Variants in ITGAE observed in about 807,000 individuals in gnomAD.
ITGAE encodes the protein integrin subunit alpha E.
In ITGAE, 99 loss-of-function variants were observed where a neutral mutation model predicts 136.5. That is an observed-to-expected ratio of 0.73 (90% CI 0.62 to 0.86). ITGAE has a LOEUF of 0.86. Ranked by LOEUF, ITGAE falls within the 40% of genes least tolerant of loss-of-function variation. ITGAE has a pLI of 0.00. For synonymous variants in ITGAE, 613 were observed against 591.8 expected (o/e 1.04, Z -0.52); for missense variants, 1,447 against 1,515.3 (o/e 0.95, Z 0.75).
rs146114458 is a variant in ITGAE, at chr17:3,749,954, T to A, written c.2024+398A>T. Among the ~76,000 whole-genome samples, 4 of 152,100 alleles carry A rather than the reference T, an allele frequency of 2.6e-5. No homozygotes were observed. The East Asian group carries it at 7.7e-4, about 29-fold the overall frequency. The stretch of plus-strand genomic sequence containing the variant: ...TTGCTTGAACCTGGGAGGCGGAGGT[T>A]GCAGTGAACCAAGATTACACCACTG... On this transcript the variant is annotated intron_variant, in intron 16 of 30. Coordinates refer to ENST00000263087, the MANE Select transcript of ITGAE (RefSeq NM_002208.5).
chr17:3,768,380 C>T (rs1459903612), intron 2 of ITGAE, among the ~76,000 whole-genome samples: 4 of 152,144 alleles, frequency 2.6e-5, no homozygotes, highest in Non-Finnish European at 2.9e-5. Flanking sequence ...CTGCCTTGGC[C>T]TCCCAAACTG....
At chr17:3,726,950 G>A (rs937947971) in intron 26 of ITGAE, among the ~76,000 whole-genome samples, 5 of 151,824 alleles carry the variant, frequency 3.3e-5, no homozygotes, top group Non-Finnish European at 5.9e-5. Context: ...GGCTGGTCTC[G>A]AACTCCTCAC....
Position 3,751,928 on chromosome 17 carries a change from C to G in ITGAE, c.1669-54G>C. 3.5e-6 allele frequency: 5 copies of G among 1,447,246 alleles called. No individual in the cohort carries two copies. In the Admixed American group the frequency reaches 5.1e-5, roughly 15 times the overall value. The allele number at this position is 1,447,246 out of a possible 1,614,324, so 89.7% of individuals were successfully genotyped here. On this transcript the variant is annotated intron_variant, in intron 14 of 30. Transcript: ENST00000263087. ...CAAGAAGGGGTGCTAGGTGCCCACT[C>G]CATTGCCACCCCGATGCACGCTCAC...
chr17:3,796,167 A>C (rs1486639866), intron 1 of ITGAE, among the ~76,000 whole-genome samples: 4 of 20,852 alleles, frequency 1.9e-4, no homozygotes, highest in South Asian at 7.6e-4. Flanking sequence ...GTGTGTGTGC[A>C]TCCGTGTGTG....
intron 10 of ITGAE, among the ~76,000 whole-genome samples, chr17:3,756,135 C>T (rs1299539202): frequency 1.3e-5 from 2 of 152,050 alleles, no homozygotes; most frequent in African/African-American, 4.8e-5. Context: ...GACTATGCCC[C>T]AGCCATCCTT....
chr17:3,765,102 C>G (rs1200386430), intron 2 of ITGAE, among the ~76,000 whole-genome samples: 1 of 152,168 alleles, frequency 6.6e-6, no homozygotes. Context: ...GTAATCCCAG[C>G]ACTTTGGGAG....
chr17:3,725,086 C>A, intron 26 of ITGAE: 1 of 1,614,208 alleles, frequency 6.2e-7, no homozygotes, highest in African/African-American at 1.3e-5. Context: ...TGGACCAAAA[C>A]CAGGGCTTCC....
At chr17:3,771,485 C>T (rs893110813) in intron 2 of ITGAE, among the ~76,000 whole-genome samples, 8 of 151,640 alleles carry the variant, frequency 5.3e-5, no homozygotes, top group Non-Finnish European at 1.0e-4. Context: ...CAGTGCTTCA[C>T]TCTGCGGATG....
chr17:3,715,325 T>G (rs188977891), intron 30 of ITGAE, among the ~76,000 whole-genome samples: 39 of 152,296 alleles, frequency 2.6e-4, no homozygotes, highest in African/African-American at 9.4e-4. Flanking sequence ...AAGCTCATCA[T>G]CTAGTAGGAA....
chr17:3,785,897 G>A (rs910235384), intron 1 of ITGAE, among the ~76,000 whole-genome samples: 32 of 152,068 alleles, frequency 2.1e-4, no homozygotes, highest in African/African-American at 7.5e-4. Context: ...GCCAGGCGAG[G>A]TGGCTGACTC....
chr17:3,764,025 C>T (rs2052235991), intron 2 of ITGAE, 65 bp from the exon 3 acceptor site: 4 of 1,163,796 alleles, frequency 3.4e-6, no homozygotes, highest in South Asian at 2.7e-5. Flanking sequence ...CCTGCCTGCC[C>T]AGCACCCTTC....
At chr17:3,787,391 C>T (rs1028481017) in intron 1 of ITGAE, among the ~76,000 whole-genome samples, 1 of 152,026 alleles carries the variant, frequency 6.6e-6, no homozygotes, top group Non-Finnish European at 1.5e-5. Flanking sequence ...GGATTACAGG[C>T]ATGAGCCACC....
rs766900785 is a variant in ITGAE, at chr17:3,753,777, A to G, written c.1527+6T>C. 1.3e-5 allele frequency: 21 copies of G among 1,614,084 alleles called. No homozygotes were observed. The Middle Eastern group carries it at 9.9e-4, about 76-fold the overall frequency. On this transcript the variant is annotated splice_donor_region_variant and intron_variant, in intron 13 of 30. Coordinates refer to ENST00000263087, the MANE Select transcript of ITGAE (RefSeq NM_002208.5). ...ATAAGGGGTGGAGGCTTTCCCCAGCAGGTACCTGCTCTCCCTCCAGCACTG... is the reference window on the plus strand; with the variant it reads ...ATAAGGGGTGGAGGCTTTCCCCAGCGGGTACCTGCTCTCCCTCCAGCACTG...
chr17:3,774,994 G>A (rs2052507883), intron 2 of ITGAE, among the ~76,000 whole-genome samples: 1 of 151,974 alleles, frequency 6.6e-6, no homozygotes, highest in African/African-American at 2.4e-5. Context: ...AGGCTGAAGT[G>A]CAGTGGCACA....
At position 3,728,046 on chromosome 17, in the gene ITGAE, T is replaced by C; in HGVS notation, c.2977-20A>G. 1 of 1,607,438 alleles carries C rather than the reference T, an allele frequency of 6.2e-7. No individual in the cohort carries two copies. Among genetic ancestry groups the C allele is most frequent in the South Asian group, 1.1e-5 (1 of 90,952 alleles). On this transcript the variant is annotated intron_variant, in intron 25 of 30. Coordinates refer to ENST00000263087, the MANE Select transcript of ITGAE (RefSeq NM_002208.5). Reference sequence around the variant, plus strand: ...ATGTACCTGCAAATTAAAATCAGAGTAGGAAATCAAAGCTGGTATTGCTTT... The same window carrying C: ...ATGTACCTGCAAATTAAAATCAGAGCAGGAAATCAAAGCTGGTATTGCTTT...
At chr17:3,761,566 A>G in intron 4 of ITGAE, 46 bp from the exon 5 acceptor site, 1 of 1,518,168 alleles carries the variant, frequency 6.6e-7, no homozygotes, top group Admixed American at 1.9e-5. Flanking sequence ...TCACCTCCCG[A>G]TTCCCGAGCC....
intron 21 of ITGAE, among the ~76,000 whole-genome samples, chr17:3,734,274 C>T (rs372869316): frequency 0.012 from 1,823 of 152,212 alleles, 45 homozygotes; most frequent in African/African-American, 0.041. Context: ...GGGGTTTCAC[C>T]GTGTTAGCCA....
At position 3,800,987 on chromosome 17, in the gene ITGAE, A is replaced by T. The variant is rs533578963; in HGVS notation, c.34+124T>A. 2.8e-5 allele frequency: 32 copies of T among 1,134,444 alleles called. No individual in the cohort carries two copies. The East Asian group carries it at 6.0e-4, about 21-fold the overall frequency. The allele number at this position is 1,134,444 out of a possible 1,614,324, so 70.3% of individuals were successfully genotyped here. On this transcript the variant is annotated intron_variant, in intron 1 of 30. Coordinates refer to ENST00000263087, the MANE Select transcript of ITGAE (RefSeq NM_002208.5). The stretch of plus-strand genomic sequence containing the variant: ...AGACTCCTTTCCTGGAGGAGCTGCC[A>T]CTCTCTAACCTCTGGCTCTAACTGA...
At position 3,755,171 on chromosome 17, in the gene ITGAE, T is replaced by A; in HGVS notation, c.1330A>T (p.Asn444Tyr). ...TCTGCCGCCGCCGCCGCTGTCTGGTTCAGGAAGCGGCCCCGGCGGCTGCGT... is the reference window on the plus strand; with the variant it reads ...TCTGCCGCCGCCGCCGCTGTCTGGTACAGGAAGCGGCCCCGGCGGCTGCGT... ...DTRSRRGRFL[N>Y]QTAAAAADAE... Residue 444 changes from asparagine to tyrosine, a missense_variant, in exon 12 of 31, where the codon AAC (asparagine) becomes TAC (tyrosine). Coordinates refer to ENST00000263087, the MANE Select transcript of ITGAE (RefSeq NM_002208.5). 6.5e-7 allele frequency: 1 copy of A among 1,543,414 alleles called. No homozygotes were observed.
Sources: gnomAD v4.1 joint callset for allele counts (sites outside exome capture counted in the v4.1 genomes callset) on GRCh38, gnomAD v4.1.1 for gene constraint, MANE v1.5 for transcripts, NCBI Gene and HGNC (gene_info 2026-07-23, HGNC 2026-07-21) for gene names.